DDX60: variants seen among roughly 807,000 people sequenced by gnomAD.
DDX60 encodes probable ATP-dependent RNA helicase DDX60.
DDX60 carries 165 observed loss-of-function variants against 212.8 expected under a neutral mutation model. The ratio of observed to expected loss-of-function variants is 0.78; its 90% CI spans 0.68 to 0.88. The LOEUF (loss-of-function observed/expected upper bound fraction) is 0.88, where lower values mean the gene tolerates loss of function less well. Ranked by LOEUF, DDX60 falls within the 40% of genes least tolerant of loss-of-function variation. The pLI is 0.00. For missense variants in DDX60, 1,905 were observed against 2,003.9 expected, an observed-to-expected ratio of 0.95 and a Z score of 0.94; for synonymous variants, 703 against 685.3, an observed-to-expected ratio of 1.03 and a Z score of -0.40.
At chr4:168,274,109 G>A (rs768187106) in intron 16 of DDX60, 26 bp from the exon 17 acceptor site, 3 of 1,612,770 alleles carry the variant, frequency 1.9e-6, no homozygotes, top group Admixed American at 1.7e-5. Flanking sequence ...TACCATTCAT[G>A]TCAAGAAACT....
At position 168,311,102 on chromosome 4, in the gene DDX60, T is replaced by A. The variant is rs747982737; in HGVS notation, c.5-35A>T. The A allele has an allele frequency of 6.2e-6, 9 of 1,461,524 alleles. No individual in the cohort carries two copies. In the East Asian group the frequency reaches 1.6e-4, roughly 27 times the overall value. The allele number at this position is 1,461,524 out of a possible 1,614,324, so 90.5% of individuals were successfully genotyped here. On this transcript the variant is annotated intron_variant, in intron 2 of 37. Coordinates refer to ENST00000393743, the MANE Select transcript of DDX60 (RefSeq NM_017631.6). ...AAAAAAAAGAGAGAAAGAGAATGGG[T>A]TATTTTTCAATTGGTCCTTTTTACA...
intron 18 of DDX60, 85 bp downstream of exon 18, chr4:168,273,194 G>A: frequency 7.7e-7 from 1 of 1,299,194 alleles, no homozygotes; most frequent in East Asian, 2.5e-5. Context: ...CACAAGCCTT[G>A]TGAAGATGTT....
At chr4:168,219,456 G>A (rs776272615) in intron 37 of DDX60, among the ~76,000 whole-genome samples, 4 of 152,008 alleles carry the variant, frequency 2.6e-5, no homozygotes, top group African/African-American at 4.8e-5. Context: ...GAGTTTCTTG[G>A]GCTGCTCTGG....
chr4:168,261,907 G>C, intron 24 of DDX60, 93 bp downstream of exon 24: 5 of 1,368,988 alleles, frequency 3.7e-6, no homozygotes, highest in Non-Finnish European at 4.9e-6. Context: ...AAAAATTGAG[G>C]ATTAAAAAAA....
In DDX60 at chr4:168,236,246, G is replaced by C. The variant is rs1733626133; in HGVS notation, c.4533+6C>G. On this transcript the variant is annotated splice_donor_region_variant and intron_variant, in intron 33 of 37. Transcript: ENST00000393743. ...TACTAAATTTTATCAGAATCACACA[G>C]TTTACCTTTGATTGATAAAACTCGA... 1 of 1,608,354 alleles carries C rather than the reference G, an allele frequency of 6.2e-7. No homozygotes were observed. The highest frequency in any genetic ancestry group is 1.3e-5 in the African/African-American group (1 of 74,604).
intron 6 of DDX60, among the ~76,000 whole-genome samples, chr4:168,296,081 T>C (rs1364706581): frequency 6.6e-6 from 1 of 152,134 alleles, no homozygotes; most frequent in African/African-American, 2.4e-5. Flanking sequence ...AGATCTATTA[T>C]ACAGCAGGAT....
chr4:168,234,113 A>T (rs891855559), intron 33 of DDX60, among the ~76,000 whole-genome samples: 1 of 152,060 alleles, frequency 6.6e-6, no homozygotes, highest in African/African-American at 2.4e-5. Context: ...CTTAGAAGGA[A>T]ATGTGTCACT....
Position 168,306,462 on chromosome 4 carries a change from A to G in DDX60, c.523T>C (p.Ser175Pro). ...AGAACATCAGATTCTTGCCCTGAGG[A>G]AAGTACAACGTTGACCTTCCTTGCC... ...SWARKVNVVL[S>P]SGQESDVLCL... The change falls in exon 5 of 38, where the codon TCC becomes CCC. Residue 175 changes from serine (S) to proline (P), a missense_variant. Physicochemically the swap from Ser to Pro is moderately conservative, Grantham distance 74 (BLOSUM62 -1). Transcript: ENST00000393743. 1 of 1,614,172 alleles carries G rather than the reference A, an allele frequency of 6.2e-7. No homozygotes were observed. Among genetic ancestry groups the G allele is most frequent in the Non-Finnish European group, 8.5e-7 (1 of 1,180,012 alleles).
intron 13 of DDX60, among the ~76,000 whole-genome samples, chr4:168,281,114 T>C (rs1293401959): frequency 6.6e-6 from 1 of 152,204 alleles, no homozygotes; most frequent in Non-Finnish European, 1.5e-5. Context: ...CACTCCAGCC[T>C]GGGCGATGGA....
intron 37 of DDX60, among the ~76,000 whole-genome samples, chr4:168,220,391 T>G (rs1274431679): frequency 1.3e-5 from 2 of 152,166 alleles, no homozygotes; most frequent in African/African-American, 4.8e-5. Context: ...TATTGCTGCC[T>G]GTCAGTGCAT....
intron 3 of DDX60, among the ~76,000 whole-genome samples, chr4:168,308,944 C>T (rs1244003793): frequency 6.6e-6 from 1 of 151,996 alleles, no homozygotes; most frequent in Non-Finnish European, 1.5e-5. Flanking sequence ...ATAAAATATA[C>T]ACAGATCTAT....
At chr4:168,218,528 A>G (rs1339153776) in intron 37 of DDX60, among the ~76,000 whole-genome samples, 3 of 152,138 alleles carry the variant, frequency 2.0e-5, no homozygotes, top group African/African-American at 7.2e-5. Context: ...TTGCACCTAC[A>G]TATTTCTGCC....
At chr4:168,285,957 G>A (rs1735821583) in intron 10 of DDX60, among the ~76,000 whole-genome samples, 1 of 118,430 alleles carries the variant, frequency 8.4e-6, no homozygotes, top group African/African-American at 3.6e-5. Flanking sequence ...GGGAGGGAGG[G>A]AAAGGAAAGA....
intron 5 of DDX60, among the ~76,000 whole-genome samples, chr4:168,303,450 C>A (rs1296891134): frequency 6.6e-6 from 1 of 152,126 alleles, no homozygotes; most frequent in Non-Finnish European, 1.5e-5. Context: ...CAGGGCTATT[C>A]CTGCTCAGAG....
chr4:168,255,964 GTTGGGTTT>G (rs1734391866), intron 25 of DDX60, 95 bp from the exon 26 acceptor site: 1 of 1,338,688 alleles, frequency 7.5e-7, no homozygotes, highest in East Asian at 2.6e-5. Context: ...ACATCTGCCT[GTTGGGTTT>G]TTAATACCCA....
chr4:168,325,360 C>T, the DDX60 span, among the ~76,000 whole-genome samples: 2 of 152,090 alleles, frequency 1.3e-5, no homozygotes, highest in South Asian at 2.1e-4. Context: ...AATTAGGATG[C>T]CAACAATTTT....
At position 168,273,368 on chromosome 4, in the gene DDX60, G is replaced by C. The variant is rs1735187287; in HGVS notation, c.2485C>G (p.Gln829Glu). 2 of 1,613,684 alleles carry C rather than the reference G, an allele frequency of 1.2e-6. No individual in the cohort carries two copies. The highest frequency in any genetic ancestry group is 1.3e-5 in the African/African-American group (1 of 74,900). The change falls in exon 18 of 38, where the codon CAG (glutamine) becomes GAG (glutamate). Residue 829 changes from glutamine to glutamate, a missense_variant. Gln to Glu is a conservative substitution (Grantham distance 29, BLOSUM62 2). Transcript: ENST00000393743. ...GGCAGATTTTTCGTAAAACGATTCT[G>C]AACAGTTGCTGCCACTTGATTAACA... ...ALVNQVAATV[Q>E]NRFTKNLPSG...
Position 168,280,577 on chromosome 4 carries a change from T to C in DDX60, c.1736A>G (p.Glu579Gly). The C allele has an allele frequency of 6.2e-7, 1 of 1,608,836 alleles. No individual in the cohort carries two copies. The highest frequency in any genetic ancestry group is 8.5e-7 in the Non-Finnish European group (1 of 1,178,296). Reference sequence around the variant, plus strand: ...TTTCTTATTCTCTCTAGCAATTATTTCAGCCTTGGTCTCCTGCCCCAAAGG... The same window carrying C: ...TTTCTTATTCTCTCTAGCAATTATTCCAGCCTTGGTCTCCTGCCCCAAAGG... Reference protein sequence around the residue: ...KSKKAHETKAEIIARENKKRL... With the variant: ...KSKKAHETKAGIIARENKKRL... Residue 579 changes from glutamate to glycine, a missense_variant, in exon 14 of 38, where the codon GAA becomes GGA. Transcript: ENST00000393743.
intron 10 of DDX60, among the ~76,000 whole-genome samples, chr4:168,286,714 G>T (rs1050045114): frequency 5.9e-5 from 9 of 151,982 alleles, no homozygotes; most frequent in African/African-American, 1.9e-4. Flanking sequence ...GTTATAAAAA[G>T]ATGTTTGGTG....
Sources: allele counts gnomAD v4.1 joint callset (sites outside exome capture counted in the v4.1 genomes callset), GRCh38; gene constraint gnomAD v4.1.1; transcripts MANE v1.5; gene names NCBI Gene and HGNC (gene_info 2026-07-23, HGNC 2026-07-21).